The following DCDC1 variants were observed in gnomAD, a reference collection of about 807,000 sequenced individuals.
DCDC1 encodes doublecortin domain-containing protein 1.
In DCDC1, 200 loss-of-function variants were observed where a neutral mutation model predicts 178.3. The ratio of observed to expected loss-of-function variants is 1.12; its 90% confidence interval spans 1.00 to 1.26. DCDC1 has a LOEUF of 1.26. Among genes scored for constraint, DCDC1 ranks in the 50% most tolerant of loss-of-function variants. The pLI is 0.00. For synonymous variants in DCDC1, 690 were observed against 604.8 expected (o/e 1.14, Z -2.07); for missense variants, 1,983 against 1,749.2 (o/e 1.13, Z -2.38).
At chr11:31,092,070 A>C (rs560529133) in intron 16 of DCDC1, among the ~76,000 whole-genome samples, 1 of 152,334 alleles carries the variant, frequency 6.6e-6, no homozygotes, top group South Asian at 2.1e-4. Flanking sequence ...TTTCTTACTT[A>C]GTGAGTCAAC....
At chr11:30,960,917 T>C (rs1004268683) in intron 20 of DCDC1, among the ~76,000 whole-genome samples, 1 of 152,132 alleles carries the variant, frequency 6.6e-6, no homozygotes, top group Non-Finnish European at 1.5e-5. Context: ...TCTACTTCCA[T>C]GGATAGGAGT....
rs1348763085 is a variant in DCDC1 at position 30,863,650 on chromosome 11, G to A, written c.*1723C>T. The stretch of plus-strand genomic sequence containing the variant: ...ATTGTTTTTGAATAAAACAAAATAA[G>A]ATATTACTACAGAGAAAGTTAGAAT... On this transcript the variant is annotated 3_prime_UTR_variant, in exon 39 of 39. Coordinates refer to ENST00000684477, the MANE Select transcript of DCDC1 (RefSeq NM_001387274.1). The A allele has an allele frequency of 6.6e-6, 1 of 152,156 alleles. No homozygotes were observed. Among genetic ancestry groups the A allele is most frequent in the Non-Finnish European group, 1.5e-5 (1 of 68,024 alleles). 9.4% of individuals were successfully genotyped at this position (152,156 alleles called of 1,614,324 possible).
intron 8 of DCDC1, among the ~76,000 whole-genome samples, chr11:31,263,389 C>T (rs1169083163): frequency 1.3e-5 from 2 of 152,028 alleles, no homozygotes; most frequent in African/African-American, 4.8e-5. Context: ...TTAATAATGA[C>T]ACTCTTATTA....
chr11:30,932,369 G>A (rs1023285188), intron 21 of DCDC1, among the ~76,000 whole-genome samples: 2 of 152,024 alleles, frequency 1.3e-5, no homozygotes, highest in Non-Finnish European at 2.9e-5. Context: ...AATATATTTG[G>A]AGAATATTGC....
chr11:30,981,043 G>A (rs997465538), intron 20 of DCDC1, among the ~76,000 whole-genome samples: 6 of 152,162 alleles, frequency 3.9e-5, no homozygotes, highest in African/African-American at 7.2e-5. Flanking sequence ...TTGCAGCAAC[G>A]TGGATGGAGC....
intron 21 of DCDC1, among the ~76,000 whole-genome samples, chr11:30,940,514 A>C (rs1349532866): frequency 6.6e-6 from 1 of 152,180 alleles, no homozygotes; most frequent in Non-Finnish European, 1.5e-5. Flanking sequence ...CAGCCCAGTT[A>C]AATGAGATTA....
intron 36 of DCDC1, among the ~76,000 whole-genome samples, chr11:30,890,993 G>C (rs1211736580): frequency 6.6e-6 from 1 of 152,036 alleles, no homozygotes; most frequent in African/African-American, 2.4e-5. Context: ...AAATATCCTT[G>C]GGATCAAGTT....
chr11:31,097,257 T>C (rs1320103477), intron 15 of DCDC1, among the ~76,000 whole-genome samples: 1 of 152,234 alleles, frequency 6.6e-6, no homozygotes, highest in Non-Finnish European at 1.5e-5. Flanking sequence ...AATATTCTTG[T>C]GCAAATTCAA....
At chr11:31,315,057 A>G (rs1455283021) in intron 3 of DCDC1, among the ~76,000 whole-genome samples, 3 of 152,198 alleles carry the variant, frequency 2.0e-5, no homozygotes, top group African/African-American at 7.2e-5. Flanking sequence ...AAAACAGGTA[A>G]GTAGACCATA....
chr11:30,881,138 A>G lies in DCDC1; in HGVS notation c.5233+20T>C. On this transcript the variant is annotated intron_variant, in intron 37 of 38. Coordinates refer to ENST00000684477, the MANE Select transcript of DCDC1 (RefSeq NM_001387274.1). ...TTTAATTCTTCAAAGACTTGATGGA[A>G]AAGAAACTATCATGCATACCTTTTG... The G allele has an allele frequency of 1.2e-6, 2 of 1,611,680 alleles. No homozygotes were observed. Among genetic ancestry groups the G allele is most frequent in the South Asian group, 1.1e-5 (1 of 90,736 alleles).
chr11:31,247,021 G>T (rs890558186), intron 8 of DCDC1, among the ~76,000 whole-genome samples: 2 of 151,918 alleles, frequency 1.3e-5, no homozygotes, highest in Non-Finnish European at 2.9e-5. Flanking sequence ...TTGCCTGTGG[G>T]GTCTACAGTG....
intron 20 of DCDC1, among the ~76,000 whole-genome samples, chr11:31,038,598 A>G (rs1028080544): frequency 1.4e-4 from 22 of 152,206 alleles, no homozygotes; most frequent in Non-Finnish European, 2.8e-4. Context: ...TCTAGATTTC[A>G]TAACAGATTT....
chr11:31,267,642 A>T (rs749575668), intron 7 of DCDC1, among the ~76,000 whole-genome samples: 2 of 152,138 alleles, frequency 1.3e-5, no homozygotes, highest in Non-Finnish European at 2.9e-5. Context: ...CTTCTTGTTT[A>T]CTCTTGTGGG....
intron 20 of DCDC1, among the ~76,000 whole-genome samples, chr11:31,055,730 T>C (rs1955541929): frequency 6.6e-6 from 1 of 152,336 alleles, no homozygotes. Flanking sequence ...GAGACTATTA[T>C]TCTAAGTGAA....
intron 9 of DCDC1, among the ~76,000 whole-genome samples, chr11:31,238,831 TC>T (rs1327275507): frequency 2.0e-5 from 3 of 152,084 alleles, no homozygotes; most frequent in Non-Finnish European, 4.4e-5. Flanking sequence ...AAATAAAATA[TC>T]TCATTTTAAT....
intron 17 of DCDC1, among the ~76,000 whole-genome samples, chr11:31,089,926 T>A (rs1591007062): frequency 6.6e-6 from 1 of 152,314 alleles, no homozygotes; most frequent in Admixed American, 6.5e-5. Flanking sequence ...TTACAATTGA[T>A]TGATTTTTCT....
intron 2 of DCDC1, among the ~76,000 whole-genome samples, chr11:31,334,736 G>C (rs901304150): frequency 2.0e-5 from 3 of 152,150 alleles, no homozygotes; most frequent in African/African-American, 7.2e-5. Context: ...AAATATTGCA[G>C]AACAGCAAAT....
At chr11:31,124,750 A>T (rs1348130739) in intron 11 of DCDC1, among the ~76,000 whole-genome samples, 1 of 152,168 alleles carries the variant, frequency 6.6e-6, no homozygotes, top group Non-Finnish European at 1.5e-5. Context: ...TTGAAACTGG[A>T]TCCCTTCCTT....
chr11:30,899,259 T>C lies in DCDC1; in HGVS notation c.4765+282A>G, dbSNP rs528706328. ...GATTATTTCAAAAACAATGAGGTAG[T>C]TTCTCTTGCCCAGGTATCCTCCTAA... On this transcript the variant is annotated intron_variant, in intron 34 of 38. Transcript: ENST00000684477. Among the ~76,000 whole-genome samples, 3 of 152,270 alleles carry C rather than the reference T, an allele frequency of 2.0e-5. No homozygotes were observed. In the East Asian group the frequency reaches 5.8e-4, roughly 29 times the overall value.
Sources: gnomAD v4.1 joint callset for allele counts (sites outside exome capture counted in the v4.1 genomes callset) on GRCh38, gnomAD v4.1.1 for gene constraint, MANE v1.5 for transcripts, NCBI Gene and HGNC (gene_info 2026-07-23, HGNC 2026-07-21) for gene names.